The following CHODL variants were observed in gnomAD, a reference collection of about 807,000 sequenced individuals.
CHODL encodes chondrolectin, also known as transmembrane protein MT75.
A neutral mutation model predicts 34.5 loss-of-function variants in CHODL; 29 were observed. The ratio of observed to expected loss-of-function variants is 0.84; its 90% CI spans 0.63 to 1.15. CHODL has a LOEUF of 1.15. CHODL is among the 50% of genes most tolerant of loss of function. CHODL has a pLI of 0.00. For synonymous variants in CHODL, 125 were observed against 116.1 expected (o/e 1.08, Z -0.49); for missense variants, 332 against 332.5 (o/e 1.00, Z 0.01).
At chr21:18,163,739 T>C (rs1220423685) in intron 2 of CHODL, among the ~76,000 whole-genome samples, 2 of 152,170 alleles carry the variant, frequency 1.3e-5, no homozygotes, top group Non-Finnish European at 2.9e-5. Flanking sequence ...GTATTGTTTA[T>C]ATTTCATTGA....
At chr21:18,158,853 A>G (rs2073064032) in intron 2 of CHODL, among the ~76,000 whole-genome samples, 1 of 151,536 alleles carries the variant, frequency 6.6e-6, no homozygotes, top group South Asian at 2.1e-4. Flanking sequence ...AAAAAAAAAA[A>G]AAGAAGAAGA....
At chr21:18,003,230 A>C (rs1368257170) in intron 1 of CHODL, among the ~76,000 whole-genome samples, 1 of 151,532 alleles carries the variant, frequency 6.6e-6, no homozygotes, top group Non-Finnish European at 1.5e-5. Context: ...TGTTGTCAGG[A>C]GAATTGCTGC....
chr21:18,259,657 A>G (rs1446619831), intron 3 of CHODL, among the ~76,000 whole-genome samples: 2 of 152,256 alleles, frequency 1.3e-5, no homozygotes, highest in Admixed American at 1.3e-4. Context: ...ATTGGAAAGC[A>G]AATCTAAGGA....
At chr21:17,966,446 CTTAGAGT>C (rs1397439758) in intron 1 of CHODL, among the ~76,000 whole-genome samples, 1 of 152,230 alleles carries the variant, frequency 6.6e-6, no homozygotes, top group South Asian at 2.1e-4. Flanking sequence ...TGCAATCTTT[CTTAGAGT>C]TTAAACAGGC....
In CHODL at chr21:17,920,047, C is replaced by T. The variant is rs146434183; in HGVS notation, c.-145+2647C>T. ...ATTTCATTGTCCATATCATTATCAG[C>T]ATTTTATTCAAAGCCATTCAACAAG... On this transcript the variant is annotated intron_variant, in intron 1 of 6. Transcript: ENST00000400127. Among the ~76,000 whole-genome samples, 1,216 of 152,288 alleles carry T rather than the reference C, an allele frequency of 8.0e-3. 17 individuals are homozygous for T. The highest frequency in any genetic ancestry group is 0.027 in the African/African-American group (1,120 of 41,546).
chr21:18,263,034 T>A, intron 5 of CHODL, 141 bp downstream of exon 5: 2 of 581,190 alleles, frequency 3.4e-6, no homozygotes, highest in Non-Finnish European at 6.1e-6. Flanking sequence ...AAGATATACA[T>A]TGAGGATAGA....
intron 5 of CHODL, among the ~76,000 whole-genome samples, chr21:18,263,326 G>A (rs2074405275): frequency 6.6e-6 from 1 of 152,098 alleles, no homozygotes; most frequent in Non-Finnish European, 1.5e-5. Context: ...GGTTCATTTT[G>A]TATTACTTTT....
chr21:18,007,656 C>T (rs1287602416), intron 1 of CHODL, among the ~76,000 whole-genome samples: 1 of 152,124 alleles, frequency 6.6e-6, no homozygotes, highest in African/African-American at 2.4e-5. Context: ...CTCCCTAAAT[C>T]GAACTGCTAT....
intron 1 of CHODL, among the ~76,000 whole-genome samples, chr21:18,019,714 TAACA>T (rs1432628907): frequency 3.9e-5 from 6 of 152,210 alleles, no homozygotes; most frequent in African/African-American, 1.2e-4. Context: ...TTTTCTCTAG[TAACA>T]AACAATCTCT....
chr21:18,204,403 C>T (rs1490514227), intron 2 of CHODL, among the ~76,000 whole-genome samples: 1 of 152,062 alleles, frequency 6.6e-6, no homozygotes, highest in Non-Finnish European at 1.5e-5. Flanking sequence ...TTTTAAGAAA[C>T]TAGTATAACT....
At position 18,256,537 on chromosome 21, in the gene CHODL, G is replaced by A; in HGVS notation, c.108G>A (p.Lys36=). ...SGQKVCFADF[K]HPCYKMAYFH... ...AAAAGGTGTGTTTTGCTGACTTCAA[G>A]CATCCCTGCTACAAAATGGCCTACT... Residue 36 remains lysine (K), a synonymous_variant, in exon 2 of 6, where the codon AAG becomes AAA. Transcript: ENST00000299295. The A allele has an allele frequency of 6.2e-7, 1 of 1,611,140 alleles. No homozygotes were observed. Among genetic ancestry groups the A allele is most frequent in the Non-Finnish European group, 8.5e-7 (1 of 1,178,606 alleles).
intron 1 of CHODL, among the ~76,000 whole-genome samples, chr21:18,248,741 GTATAATATATA>G (rs2074186293): frequency 1.0e-5 from 1 of 97,000 alleles, no homozygotes; most frequent in African/African-American, 4.6e-5. Context: ...TAATATATAT[GTATAATATATA>G]TGTATATATG....
chr21:17,936,512 G>A (rs1457553469), intron 1 of CHODL, among the ~76,000 whole-genome samples: 3 of 151,774 alleles, frequency 2.0e-5, no homozygotes, highest in Non-Finnish European at 4.4e-5. Context: ...GGAAAATGTG[G>A]TAGTTTAGAG....
chr21:18,168,782 C>T (rs2073188237), intron 2 of CHODL, among the ~76,000 whole-genome samples: 1 of 152,000 alleles, frequency 6.6e-6, no homozygotes, highest in Non-Finnish European at 1.5e-5. Flanking sequence ...AAGTAAATGT[C>T]TTGCTTTTTT....
chr21:18,034,164 TATAAG>T (rs2064281587), intron 2 of CHODL, among the ~76,000 whole-genome samples: 1 of 152,004 alleles, frequency 6.6e-6, no homozygotes, highest in African/African-American at 2.4e-5. Flanking sequence ...GAAATCATCT[TATAAG>T]ATGATTTCTA....
intron 1 of CHODL, among the ~76,000 whole-genome samples, chr21:17,992,944 C>T (rs762031659): frequency 7.9e-5 from 12 of 152,084 alleles, no homozygotes; most frequent in African/African-American, 1.9e-4. Context: ...TGAGCCACGG[C>T]GCCCGGCCGA....
In CHODL at chr21:18,051,025, C is replaced by T. The variant is rs181224254; in HGVS notation, c.-45+23054C>T. On this transcript the variant is annotated intron_variant, in intron 2 of 6. Coordinates refer to the CHODL transcript ENST00000400127. ...ACACGTGCCATGGTGGTTTGCTGCA[C>T]TCATCAACCCGTCATTTACATTAGA... is the stretch of plus-strand genomic sequence containing the variant. Among the ~76,000 whole-genome samples, 161 of 151,758 alleles carry T rather than the reference C, an allele frequency of 1.1e-3. 4 individuals are homozygous for T. In the East Asian group the frequency reaches 0.028, roughly 27 times the overall value.
At chr21:18,141,598 A>C (rs1617077) in intron 2 of CHODL, among the ~76,000 whole-genome samples, 1 of 151,898 alleles carries the variant, frequency 6.6e-6, no homozygotes, top group African/African-American at 2.4e-5. Flanking sequence ...TGCTATACAC[A>C]TGACACTTCC....
At position 17,984,492 on chromosome 21, in the gene CHODL, T is replaced by A. The variant is rs150044651; in HGVS notation, c.-144-43380T>A. Among the ~76,000 whole-genome samples the A allele has an allele frequency of 5.5e-3, 840 of 152,290 alleles. 6 individuals carry two copies. Among genetic ancestry groups the A allele is most frequent in the African/African-American group, 0.013 (561 of 41,570 alleles). On this transcript the variant is annotated intron_variant, in intron 1 of 6. Coordinates refer to the CHODL transcript ENST00000400127. ...CCTCATTCTCTTTATATAGGATAGA[T>A]ATTAACCCTTTATGAAAATATAATT...
Sources: allele counts gnomAD v4.1 joint callset (sites outside exome capture counted in the v4.1 genomes callset), GRCh38; gene constraint gnomAD v4.1.1; transcripts MANE v1.5; gene names NCBI Gene and HGNC (gene_info 2026-07-23, HGNC 2026-07-21).